RABGAP1L: variants seen among roughly 807,000 people sequenced by gnomAD.
RABGAP1L encodes the protein RAB GTPase activating protein 1 like, also known as rab GTPase-activating protein 1-like.
A neutral mutation model predicts 137.7 loss-of-function variants in RABGAP1L; 63 were observed. The ratio of observed to expected loss-of-function variants is 0.46; its 90% CI spans 0.37 to 0.56. RABGAP1L has a LOEUF of 0.56. Ranked by LOEUF, RABGAP1L falls within the 20% of genes least tolerant of loss-of-function variation. The pLI is 0.00. For missense variants in RABGAP1L, 1,095 were observed against 1,244.0 expected (o/e 0.88, Z 1.80); for synonymous variants, 431 against 433.7 (o/e 0.99, Z 0.08).
At chr1:174,654,377 G>T (rs1189912682) in intron 14 of RABGAP1L, among the ~76,000 whole-genome samples, 4 of 152,140 alleles carry the variant, frequency 2.6e-5, no homozygotes, top group East Asian at 1.9e-4. Context: ...AAAATTTAAT[G>T]CATATAAACC....
At chr1:174,186,311 A>G (rs1176470982) in intron 1 of RABGAP1L, among the ~76,000 whole-genome samples, 2 of 152,194 alleles carry the variant, frequency 1.3e-5, no homozygotes, top group Non-Finnish European at 1.5e-5. Flanking sequence ...GAAATTCTCT[A>G]CGTAGCTGAA....
chr1:174,225,534 G>T, intron 3 of RABGAP1L, among the ~76,000 whole-genome samples: 1 of 142,856 alleles, frequency 7.0e-6, no homozygotes. Context: ...CATTCCACCT[G>T]GTTGTGTCCA....
At chr1:174,392,232 A>G (rs1472913517) in intron 12 of RABGAP1L, among the ~76,000 whole-genome samples, 3 of 152,248 alleles carry the variant, frequency 2.0e-5, no homozygotes, top group African/African-American at 7.2e-5. Flanking sequence ...CAGACAGCAT[A>G]GGAAAATAAA....
Position 174,994,786 on chromosome 1 carries a change from C to G in RABGAP1L, c.*4785C>G, listed in dbSNP as rs1373732840. On this transcript the variant is annotated 3_prime_UTR_variant, in exon 26 of 26. Transcript: ENST00000681986. ...TTAGTTCAAATGAGGGACAAAGTTT[C>G]TCAGTCAGCCCCACTTCCTTTCTTT... 6.6e-6 allele frequency: 1 copy of G among 152,222 alleles called. No individual in the cohort carries two copies. The highest frequency in any genetic ancestry group is 1.5e-5 in the Non-Finnish European group (1 of 68,042). 9.4% of individuals were successfully genotyped at this position (152,222 alleles called of 1,614,324 possible).
At chr1:174,171,869 C>T (rs571124784) in intron 1 of RABGAP1L, among the ~76,000 whole-genome samples, 1 of 152,120 alleles carries the variant, frequency 6.6e-6, no homozygotes, top group East Asian at 1.9e-4. Context: ...GGCATGGTGG[C>T]ATGTGCCTGT....
chr1:174,938,072 T>G (rs961381977), intron 19 of RABGAP1L, among the ~76,000 whole-genome samples: 1 of 152,212 alleles, frequency 6.6e-6, no homozygotes, highest in Admixed American at 6.6e-5. Flanking sequence ...CAGATTTCCA[T>G]CTATAAATAA....
chr1:174,923,088 C>G (rs1209384862), intron 19 of RABGAP1L, among the ~76,000 whole-genome samples: 1 of 148,828 alleles, frequency 6.7e-6, no homozygotes, highest in Non-Finnish European at 1.5e-5. Flanking sequence ...ATTGAGGCTG[C>G]AGAACTACGG....
At chr1:174,417,083 A>G (rs1650683572) in intron 13 of RABGAP1L, among the ~76,000 whole-genome samples, 1 of 152,124 alleles carries the variant, frequency 6.6e-6, no homozygotes, top group Admixed American at 6.6e-5. Flanking sequence ...ATTACTTTCA[A>G]TGGCAAAAAC....
chr1:174,777,517 T>G (rs1351140993), intron 18 of RABGAP1L, among the ~76,000 whole-genome samples: 1 of 152,220 alleles, frequency 6.6e-6, no homozygotes, highest in Non-Finnish European at 1.5e-5. Context: ...ATCATTGCTT[T>G]ATAGTTGCCT....
chr1:174,204,379 C>T (rs140912795), intron 1 of RABGAP1L, among the ~76,000 whole-genome samples: 30 of 152,226 alleles, frequency 2.0e-4, no homozygotes, highest in African/African-American at 6.7e-4. Context: ...TTGACTTCTA[C>T]TCTTTCTGTT....
intron 3 of RABGAP1L, among the ~76,000 whole-genome samples, chr1:174,223,137 A>G (rs1436163362): frequency 6.6e-6 from 1 of 151,824 alleles, no homozygotes; most frequent in Non-Finnish European, 1.5e-5. Flanking sequence ...GTGTGGCAGC[A>G]CATGCCTGTA....
At chr1:174,426,853 A>G (rs1402840948) in intron 13 of RABGAP1L, among the ~76,000 whole-genome samples, 4 of 152,100 alleles carry the variant, frequency 2.6e-5, no homozygotes, top group East Asian at 1.9e-4. Context: ...CTGTGAGTCT[A>G]TTTTATGCTG....
At chr1:174,849,258 T>A (rs1346278753) in intron 19 of RABGAP1L, among the ~76,000 whole-genome samples, 3 of 152,082 alleles carry the variant, frequency 2.0e-5, no homozygotes, top group African/African-American at 7.2e-5. Context: ...TGTCACAGTC[T>A]TAAGAGTCAG....
chr1:174,194,336 G>T (rs1432661878), intron 1 of RABGAP1L, among the ~76,000 whole-genome samples: 7 of 151,224 alleles, frequency 4.6e-5, no homozygotes, highest in African/African-American at 1.7e-4. Flanking sequence ...CTGGGTTCAA[G>T]CGATTCTCCT....
At chr1:174,611,578 TC>T (rs570074261) in intron 13 of RABGAP1L, among the ~76,000 whole-genome samples, 3,263 of 150,134 alleles carry the variant, frequency 0.022, 59 homozygotes, top group Middle Eastern at 0.083. Context: ...AGTAGTTTTT[TC>T]CAATTCTGTG....
At chr1:174,166,245 G>GT (rs1664899613) in intron 1 of RABGAP1L, among the ~76,000 whole-genome samples, 1 of 151,156 alleles carries the variant, frequency 6.6e-6, no homozygotes, top group Admixed American at 6.6e-5. Flanking sequence ...TTTTTTGTTT[G>GT]TTTTTTGTTT....
chr1:174,895,598 C>T (rs1347820950), intron 19 of RABGAP1L, among the ~76,000 whole-genome samples: 1 of 152,034 alleles, frequency 6.6e-6, no homozygotes, highest in African/African-American at 2.4e-5. Context: ...CCCACTCCCC[C>T]CACCCCATGA....
At chr1:174,177,997 G>GT (rs1277549252) in intron 1 of RABGAP1L, among the ~76,000 whole-genome samples, 1 of 152,160 alleles carries the variant, frequency 6.6e-6, no homozygotes, top group African/African-American at 2.4e-5. Flanking sequence ...ATTTAAAGTA[G>GT]TTTTTTCTAA....
At chr1:174,892,436 A>C (rs1264588155) in intron 19 of RABGAP1L, 3 of 423,378 alleles carry the variant, frequency 7.1e-6, no homozygotes. Context: ...TCAACACGAA[A>C]TTGTTCATCA....
Sources: allele counts gnomAD v4.1 joint callset (sites outside exome capture counted in the v4.1 genomes callset), GRCh38; gene constraint gnomAD v4.1.1; transcripts MANE v1.5; gene names NCBI Gene and HGNC (gene_info 2026-07-23, HGNC 2026-07-21).